The following PDE1C variants were observed in gnomAD, a reference collection of about 807,000 sequenced individuals.
The protein encoded by PDE1C is dual specificity calcium/calmodulin-dependent 3',5'-cyclic nucleotide phosphodiesterase 1C.
In PDE1C, 62 loss-of-function variants were observed where a neutral mutation model predicts 93.1. The observed-to-expected ratio is 0.67, with a 90% CI of 0.54 to 0.82. PDE1C has a LOEUF of 0.82. Among genes scored for constraint, PDE1C ranks in the 40% least tolerant of loss-of-function variants. The probability of loss-of-function intolerance (pLI) is 0.00; values close to 1 mark genes in which losing one functional copy is unlikely to be tolerated. For synonymous variants in PDE1C, 325 were observed against 310.1 expected (o/e 1.05, Z -0.50); for missense variants, 742 against 884.6 (o/e 0.84, Z 2.04).
rs759241608 is a variant in PDE1C, at chr7:31,864,958, T to C, written c.734A>G (p.Tyr245Cys). ...CCTACTTACCGCCACTCCTGTCTTA[T>C]AGAGGAGGTAATGCACTGTCTGTGT... ...DVTQTVHYLL[Y>C]KTGVANWLTE... Residue 245 changes from tyrosine to cysteine, a missense_variant, in exon 7 of 18, where the codon TAT (tyrosine) becomes TGT (cysteine). Physicochemically the swap from Tyr to Cys is radical, Grantham distance 194. Around this residue, in one of 4 missense-constraint regions of PDE1C, gnomAD observed 205 missense variants for 295.3 expected, o/e 0.69. Coordinates refer to ENST00000396191, the MANE Select transcript of PDE1C (RefSeq NM_001191057.4). 6.2e-6 allele frequency: 10 copies of C among 1,613,782 alleles called. No individual in the cohort carries two copies. The highest frequency in any genetic ancestry group is 3.3e-5 in the Admixed American group (2 of 60,002).
At chr7:32,124,872 G>T (rs150722383) in intron 3 of PDE1C, among the ~76,000 whole-genome samples, 4 of 152,040 alleles carry the variant, frequency 2.6e-5, no homozygotes, top group Admixed American at 6.6e-5. Context: ...ATTGACAAAC[G>T]CAATCTAATT....
At chr7:32,272,118 A>C (rs1466177872) in intron 1 of PDE1C, among the ~76,000 whole-genome samples, 1 of 152,186 alleles carries the variant, frequency 6.6e-6, no homozygotes, top group East Asian at 1.9e-4. Flanking sequence ...TAGACCTTGA[A>C]TCTTAAGATG....
intron 3 of PDE1C, among the ~76,000 whole-genome samples, chr7:32,080,620 A>T (rs1223852429): frequency 6.6e-6 from 1 of 152,228 alleles, no homozygotes. Context: ...CCCTCCAGAT[A>T]AGTGAAATGT....
chr7:31,996,383 T>C (rs1222908667), intron 2 of PDE1C, among the ~76,000 whole-genome samples: 1 of 152,114 alleles, frequency 6.6e-6, no homozygotes, highest in Non-Finnish European at 1.5e-5. Context: ...AGCTCTGATA[T>C]AAAGTCTTTA....
At chr7:31,922,641 A>C (rs920765423) in intron 2 of PDE1C, among the ~76,000 whole-genome samples, 18 of 152,214 alleles carry the variant, frequency 1.2e-4, no homozygotes, top group African/African-American at 4.3e-4. Context: ...GCAAATGAGG[A>C]TATAACAAAG....
At chr7:31,841,227 C>CTCTCTCTATATATATATA (rs751320538) in intron 9 of PDE1C, among the ~76,000 whole-genome samples, 3 of 142,262 alleles carry the variant, frequency 2.1e-5, no homozygotes, top group African/African-American at 7.9e-5. Flanking sequence ...CTCTCTCTCT[C>CTCTCTCTATATATATATA]TATATATATA....
intron 11 of PDE1C, 130 bp from the exon 12 acceptor site, chr7:31,828,503 A>C: frequency 1.6e-6 from 1 of 611,448 alleles, no homozygotes; most frequent in Non-Finnish European, 2.9e-6. Flanking sequence ...TTATAAAATA[A>C]GTCTTTATGG....
In PDE1C at chr7:32,009,213, T is replaced by C. The variant is rs373133570; in HGVS notation, c.128+42341A>G. The stretch of plus-strand genomic sequence containing the variant: ...AAGACAGGGAGCCCTGTGGTTGCCA[T>C]AGCTTACTGCCTTGGGAAGGTTTCC... On this transcript the variant is annotated intron_variant, in intron 2 of 17. Coordinates refer to ENST00000396191, the MANE Select transcript of PDE1C (RefSeq NM_001191057.4). Among the ~76,000 whole-genome samples, 18 of 152,282 alleles carry C rather than the reference T, an allele frequency of 1.2e-4. 3 individuals are homozygous for C. Among genetic ancestry groups the C allele is most frequent in the East Asian group, 1.9e-4 (1 of 5,174 alleles).
intron 2 of PDE1C, among the ~76,000 whole-genome samples, chr7:32,036,755 A>C (rs1742938798): frequency 1.3e-5 from 2 of 152,176 alleles, no homozygotes; most frequent in Admixed American, 1.3e-4. Flanking sequence ...ACTCAACAAG[A>C]AATAGAAACT....
chr7:31,934,544 A>G (rs952008597), intron 2 of PDE1C, among the ~76,000 whole-genome samples: 1 of 137,814 alleles, frequency 7.3e-6, no homozygotes, highest in Non-Finnish European at 1.6e-5. Context: ...CAGCAAATTC[A>G]ATTAGCACCA....
At chr7:31,687,841 C>T in the PDE1C span, among the ~76,000 whole-genome samples, 19 of 152,168 alleles carry the variant, frequency 1.2e-4, no homozygotes, top group African/African-American at 4.6e-4. Flanking sequence ...TGGATACAAC[C>T]TTCTACCCTT....
intron 2 of PDE1C, among the ~76,000 whole-genome samples, chr7:32,189,750 T>C (rs545135539): frequency 1.3e-5 from 2 of 152,212 alleles, no homozygotes; most frequent in South Asian, 4.2e-4. Flanking sequence ...TTATCAAGAG[T>C]TCCAGAAAAA....
chr7:32,001,549 C>T, intron 2 of PDE1C, among the ~76,000 whole-genome samples: 1 of 152,138 alleles, frequency 6.6e-6, no homozygotes, highest in East Asian at 1.9e-4. Context: ...CACACCAGCT[C>T]CCATAAAGGA....
At chr7:32,101,187 A>T (rs1798018036) in intron 3 of PDE1C, among the ~76,000 whole-genome samples, 1 of 152,214 alleles carries the variant, frequency 6.6e-6, no homozygotes, top group Non-Finnish European at 1.5e-5. Context: ...CACAGATGTG[A>T]CATCAACCAG....
chr7:31,878,019 G>C lies in PDE1C; in HGVS notation c.443C>G (p.Ser148Ter). Reference protein sequence around the residue: ...IFVERMYRRTSNMVGLSYPPA... With the variant: ...IFVERMYRRT ...TGGATAGCTCAGTCCAACCATGTTT[G>C]ATGTCCGTCTATACATTCTGAAAAG... The change falls in exon 5 of 18, where the codon TCA becomes TGA. Residue 148 changes from serine (S) to a stop codon, truncating the protein, a stop_gained. Transcript: ENST00000396191. LOFTEE classifies it high-confidence loss of function. 1 of 1,612,576 alleles carries C rather than the reference G, an allele frequency of 6.2e-7. No homozygotes were observed. Among genetic ancestry groups the C allele is most frequent in the East Asian group, 2.2e-5 (1 of 44,768 alleles).
intron 2 of PDE1C, among the ~76,000 whole-genome samples, chr7:32,043,437 G>T (rs939788711): frequency 3.7e-4 from 57 of 152,108 alleles, no homozygotes; most frequent in African/African-American, 1.3e-3. Context: ...ATATGCCTGG[G>T]CATAAGTGCT....
chr7:32,330,496 C>T (rs1362862076), intron 1 of PDE1C, among the ~76,000 whole-genome samples: 1 of 152,256 alleles, frequency 6.6e-6, no homozygotes, highest in Non-Finnish European at 1.5e-5. Context: ...AGTTATATTA[C>T]TACTTAATGG....
chr7:31,693,394 G>A, the PDE1C span, among the ~76,000 whole-genome samples: 1 of 152,144 alleles, frequency 6.6e-6, no homozygotes, highest in Non-Finnish European at 1.5e-5. Flanking sequence ...AAGATTAACT[G>A]TGCTATGTGG....
At chr7:31,670,848 G>T in the PDE1C span, among the ~76,000 whole-genome samples, 3 of 152,214 alleles carry the variant, frequency 2.0e-5, no homozygotes, top group Middle Eastern at 3.4e-3. Flanking sequence ...AAAAACCACA[G>T]GATCCACTGG....
Sources: gnomAD v4.1 joint callset for allele counts (sites outside exome capture counted in the v4.1 genomes callset) on GRCh38, gnomAD v4.1.1 for gene constraint, gnomAD v4.1.1 regional missense constraint, MANE v1.5 for transcripts, NCBI Gene and HGNC (gene_info 2026-07-23, HGNC 2026-07-21) for gene names.